RGS12: variants seen among roughly 807,000 people sequenced by gnomAD.
The protein encoded by RGS12 is regulator of G protein signaling 12.
RGS12 carries 66 observed loss-of-function variants against 120.1 expected under a neutral mutation model. The observed-to-expected ratio is 0.55, with a 90% CI of 0.45 to 0.67. The LOEUF (loss-of-function observed/expected upper bound fraction) is 0.67, where lower values mean the gene tolerates loss of function less well. Among genes scored for constraint, RGS12 ranks in the 30% least tolerant of loss-of-function variants. The probability of loss-of-function intolerance (pLI) is 0.00; values close to 1 mark genes in which losing one functional copy is unlikely to be tolerated. For synonymous variants in RGS12, 827 were observed against 804.7 expected (o/e 1.03, Z -0.47); for missense variants, 1,859 against 1,957.7 (o/e 0.95, Z 0.95).
chr4:3,391,227 G>A (rs991261769), intron 4 of RGS12, among the ~76,000 whole-genome samples: 8 of 152,202 alleles, frequency 5.3e-5, no homozygotes, highest in South Asian at 2.1e-4. Flanking sequence ...GTGGAATACC[G>A]TATTAGTATT....
chr4:3,338,892 G>C (rs1477476924), intron 2 of RGS12, among the ~76,000 whole-genome samples: 8 of 152,048 alleles, frequency 5.3e-5, no homozygotes, highest in Non-Finnish European at 1.0e-4. Context: ...GTGCTAAATC[G>C]GCGGTGATGA....
At chr4:3,315,617 T>A (rs1364661661) in intron 1 of RGS12, among the ~76,000 whole-genome samples, 2 of 152,260 alleles carry the variant, frequency 1.3e-5, no homozygotes, top group East Asian at 3.8e-4. Context: ...CAGGTGCCTT[T>A]GAACCTGAAG....
At chr4:3,302,130 G>T (rs1477283712) in intron 1 of RGS12, among the ~76,000 whole-genome samples, 1 of 152,178 alleles carries the variant, frequency 6.6e-6, no homozygotes, top group Non-Finnish European at 1.5e-5. Flanking sequence ...AATTGAGGAG[G>T]TTTGACCTTC....
intron 3 of RGS12, among the ~76,000 whole-genome samples, chr4:3,357,818 A>T (rs2108824976): frequency 6.6e-6 from 1 of 152,106 alleles, no homozygotes; most frequent in Non-Finnish European, 1.5e-5. Flanking sequence ...CTTTTTCAAG[A>T]TTGTTTGGGC....
At chr4:3,326,670 AATG>A (rs1235834459) in intron 2 of RGS12, among the ~76,000 whole-genome samples, 1 of 152,258 alleles carries the variant, frequency 6.6e-6, no homozygotes, top group Non-Finnish European at 1.5e-5. Context: ...TTATACCAAT[AATG>A]ATCTAGCTGA....
chr4:3,415,548 C>G (rs1577074075), intron 6 of RGS12, among the ~76,000 whole-genome samples: 1 of 152,282 alleles, frequency 6.6e-6, no homozygotes, highest in East Asian at 1.9e-4. Flanking sequence ...GCAGGAGAAG[C>G]CTGGGAGAGA....
intron 4 of RGS12, among the ~76,000 whole-genome samples, chr4:3,393,209 T>C (rs1254701849): frequency 1.3e-5 from 2 of 152,208 alleles, no homozygotes; most frequent in African/African-American, 4.8e-5. Context: ...AAAGCTACAT[T>C]TGGGGACTCC....
intron 13 of RGS12, among the ~76,000 whole-genome samples, chr4:3,424,437 C>T (rs1185314478): frequency 1.3e-5 from 2 of 152,256 alleles, no homozygotes; most frequent in Non-Finnish European, 2.9e-5. Context: ...CTGCAGGCTC[C>T]ATCCTGGAGT....
intron 3 of RGS12, among the ~76,000 whole-genome samples, chr4:3,351,018 TTTATC>T (rs1481506991): frequency 6.6e-6 from 1 of 152,054 alleles, no homozygotes; most frequent in East Asian, 1.9e-4. Flanking sequence ...AAACGGAACT[TTTATC>T]TGTGGCTAAG....
At chr4:3,293,147 C>A (rs1723138834) in intron 1 of RGS12, 48 bp downstream of exon 1, 1 of 145,926 alleles carries the variant, frequency 6.9e-6, no homozygotes, top group African/African-American at 2.5e-5. Flanking sequence ...CGCGCCGCCT[C>A]CGCTCTTTCT....
chr4:3,359,679 G>A (rs1321478380), intron 3 of RGS12, among the ~76,000 whole-genome samples: 1 of 140,650 alleles, frequency 7.1e-6, no homozygotes, highest in East Asian at 2.1e-4. Flanking sequence ...CTGGAGTGCT[G>A]TGACACAATC....
At chr4:3,314,762 A>G (rs1230719950) in intron 1 of RGS12, 2 of 152,226 alleles carry the variant, frequency 1.3e-5, no homozygotes, top group Admixed American at 6.5e-5. Flanking sequence ...TCTTCACAAC[A>G]CAATCACTTA....
intron 10 of RGS12, 82 bp from the exon 11 acceptor site, chr4:3,422,294 G>A (rs1723099276): frequency 7.0e-7 from 1 of 1,420,398 alleles, no homozygotes. Context: ...GTGCGGCCTG[G>A]GCCAGCTGGG....
chr4:3,374,294 C>T lies in RGS12; in HGVS notation c.1999-12122C>T, dbSNP rs1339324168. On this transcript the variant is annotated intron_variant, in intron 3 of 17. Transcript: ENST00000336727. The surrounding 1 kb of genome is among the most constrained non-coding windows in gnomAD (Gnocchi z 6.3). ...TTCTGCAGCAGCGCCCTCCGGGTTC[C>T]CCTCCTCTCCTCCGACTCCACTGGC... is the stretch of plus-strand genomic sequence containing the variant. Among the ~76,000 whole-genome samples, 1 of 152,230 alleles carries T rather than the reference C, an allele frequency of 6.6e-6. No individual in the cohort carries two copies. The highest frequency in any genetic ancestry group is 2.4e-5 in the African/African-American group (1 of 41,460).
intron 2 of RGS12, among the ~76,000 whole-genome samples, chr4:3,327,023 A>C (rs1362195953): frequency 2.0e-5 from 3 of 152,252 alleles, no homozygotes; most frequent in African/African-American, 4.8e-5. Flanking sequence ...AAGCAAAAAG[A>C]ACAAAGCTGG....
chr4:3,291,584 C>T (rs1417095153), upstream of RGS12, among the ~76,000 whole-genome samples: 1 of 152,140 alleles, frequency 6.6e-6, no homozygotes. Context: ...TGAGCTCCGG[C>T]GATCTGTCCG....
At chr4:3,394,027 G>A (rs1462756987) in intron 4 of RGS12, among the ~76,000 whole-genome samples, 2 of 152,212 alleles carry the variant, frequency 1.3e-5, no homozygotes, top group African/African-American at 4.8e-5. Context: ...TGGCCTGGCT[G>A]GCTCCCTAGG....
chr4:3,422,657 G>A, intron 11 of RGS12, 87 bp downstream of exon 11: 2 of 1,388,350 alleles, frequency 1.4e-6, no homozygotes, highest in Non-Finnish European at 9.8e-7. Flanking sequence ...TCCTCAGGCT[G>A]CCCCCTCCTG....
Position 3,342,633 on chromosome 4 carries a change from A to T in RGS12, c.1882-304A>T. 5.4e-6 allele frequency: 7 copies of T among 1,290,604 alleles called. No individual in the cohort carries two copies. The South Asian group carries it at 8.9e-5, about 16-fold the overall frequency. The allele number at this position is 1,290,604 out of a possible 1,614,324, so 79.9% of individuals were successfully genotyped here. On this transcript the variant is annotated intron_variant, in intron 2 of 17. Coordinates refer to ENST00000336727, the MANE Select transcript of RGS12 (RefSeq NM_001394154.1). The stretch of plus-strand genomic sequence containing the variant: ...CACGTGATTTCATTTGATCTGGGTA[A>T]CAGCCTTGTGGGTGGGCTGCCGTCA...
Sources: allele counts gnomAD v4.1 joint callset (sites outside exome capture counted in the v4.1 genomes callset), GRCh38; gene constraint gnomAD v4.1.1; non-coding constraint Gnocchi (gnomAD v3.1); transcripts MANE v1.5; gene names NCBI Gene and HGNC (gene_info 2026-07-23, HGNC 2026-07-21).